SEMA4D: variants seen among roughly 807,000 people sequenced by gnomAD.
SEMA4D encodes the protein semaphorin 4D, also known as semaphorin-4D.
Under a neutral mutation model 74.8 loss-of-function variants are expected in SEMA4D, and 22 were observed. The observed-to-expected ratio is 0.29, with a 90% CI of 0.21 to 0.42. SEMA4D has a LOEUF of 0.42. Ranked by LOEUF, SEMA4D falls within the 10% of genes least tolerant of loss-of-function variation. SEMA4D has a pLI of 1.00. For missense variants in SEMA4D, 937 were observed against 1,118.4 expected, an observed-to-expected ratio of 0.84 and a Z score of 2.31; for synonymous variants, 445 against 463.7, an observed-to-expected ratio of 0.96 and a Z score of 0.52.
chr9:89,494,991 T>C (rs1825897093), intron 1 of SEMA4D, among the ~76,000 whole-genome samples: 1 of 152,186 alleles, frequency 6.6e-6, no homozygotes, highest in African/African-American at 2.4e-5. Flanking sequence ...TTGGATCAAA[T>C]GCTGATCCAA....
chr9:89,414,653 G>A (rs185469696), intron 2 of SEMA4D, among the ~76,000 whole-genome samples: 1 of 152,302 alleles, frequency 6.6e-6, no homozygotes, highest in Admixed American at 6.5e-5. Context: ...TGGGTTTCAG[G>A]AGCTGTCTAG....
At chr9:89,466,185 C>CA (rs1858646216) in intron 1 of SEMA4D, among the ~76,000 whole-genome samples, 1 of 152,154 alleles carries the variant, frequency 6.6e-6, no homozygotes, top group Non-Finnish European at 1.5e-5. Context: ...CTGGGGCACA[C>CA]ACCAAGGGAT....
chr9:89,379,754 A>G, intron 15 of SEMA4D, 125 bp from the exon 16 acceptor site: 2 of 1,148,580 alleles, frequency 1.7e-6, no homozygotes, highest in Non-Finnish European at 2.4e-6. Context: ...ATCTTCCAGA[A>G]CAACTAAGGA....
chr9:89,397,287 CT>C (rs145467045), intron 5 of SEMA4D, among the ~76,000 whole-genome samples: 15,671 of 152,276 alleles, frequency 0.1, 953 homozygotes, highest in Middle Eastern at 0.16. Context: ...TTTACTCTTG[CT>C]AAGTACGTGG....
At chr9:89,406,173 C>A (rs1843283657) in intron 2 of SEMA4D, among the ~76,000 whole-genome samples, 2 of 152,156 alleles carry the variant, frequency 1.3e-5, no homozygotes, top group Non-Finnish European at 2.9e-5. Context: ...CATGTGAGTG[C>A]ACACACATGC....
intron 5 of SEMA4D, among the ~76,000 whole-genome samples, chr9:89,397,937 C>T (rs906360895): frequency 1.3e-5 from 2 of 152,118 alleles, no homozygotes; most frequent in Non-Finnish European, 2.9e-5. Flanking sequence ...CGGCCCAGGG[C>T]TCCCTGAATG....
intron 5 of SEMA4D, 152 bp from the exon 6 acceptor site, chr9:89,396,987 T>A (rs1449120106): frequency 4.4e-6 from 3 of 677,656 alleles, no homozygotes; most frequent in Non-Finnish European, 7.8e-6. Flanking sequence ...ATGTGTGCAT[T>A]CTCAGCCTTG....
chr9:89,389,137 G>T, intron 9 of SEMA4D, 90 bp from the exon 10 acceptor site: 1 of 1,368,948 alleles, frequency 7.3e-7, no homozygotes, highest in Non-Finnish European at 1.0e-6. Context: ...CCATGGCCCA[G>T]CACAGCGCGG....
intron 1 of SEMA4D, among the ~76,000 whole-genome samples, chr9:89,461,065 T>C (rs1334794133): frequency 2.6e-5 from 4 of 152,156 alleles, no homozygotes; most frequent in Non-Finnish European, 2.9e-5. Flanking sequence ...CAAGGTCTCT[T>C]TTCTAAGATC....
At chr9:89,489,774 G>A (rs1032516988) in intron 1 of SEMA4D, among the ~76,000 whole-genome samples, 6 of 152,162 alleles carry the variant, frequency 3.9e-5, no homozygotes, top group African/African-American at 1.4e-4. Context: ...CTGGGTTTCC[G>A]TCCTTTGGCT....
chr9:89,428,262 G>A (rs1389699596), intron 2 of SEMA4D, among the ~76,000 whole-genome samples: 1 of 152,198 alleles, frequency 6.6e-6, no homozygotes, highest in Non-Finnish European at 1.5e-5. Flanking sequence ...AGCTCCAGGC[G>A]GCCCCCGCCA....
intron 2 of SEMA4D, among the ~76,000 whole-genome samples, chr9:89,424,769 G>A (rs1587789738): frequency 2.0e-5 from 3 of 151,360 alleles, no homozygotes; most frequent in East Asian, 1.9e-4. Flanking sequence ...CCTGGCTCCC[G>A]CTACCTGTAA....
intron 2 of SEMA4D, among the ~76,000 whole-genome samples, chr9:89,419,194 G>A (rs967004073): frequency 1.5e-4 from 23 of 152,174 alleles, no homozygotes; most frequent in African/African-American, 5.3e-4. Context: ...AAACGATCAC[G>A]ATTCATCAGG....
chr9:89,399,793 T>C (rs1841769564), intron 4 of SEMA4D, among the ~76,000 whole-genome samples: 1 of 150,906 alleles, frequency 6.6e-6, no homozygotes, highest in Non-Finnish European at 1.5e-5. Flanking sequence ...AGGTCAGGAG[T>C]TCCAGACCAG....
At chr9:89,418,331 G>T in intron 2 of SEMA4D, 2 of 972,914 alleles carry the variant, frequency 2.1e-6, no homozygotes, top group Non-Finnish European at 2.4e-6. Context: ...ACCCACCCAC[G>T]AACAGAGGGG....
chr9:89,432,140 C>G (rs981928091), intron 2 of SEMA4D, among the ~76,000 whole-genome samples: 1 of 146,160 alleles, frequency 6.8e-6, no homozygotes, highest in Non-Finnish European at 1.5e-5. Context: ...CCTGGAATGG[C>G]CACTCAACCC....
intron 18 of SEMA4D, chr9:89,362,526 C>T: frequency 6.2e-7 from 1 of 1,600,822 alleles, no homozygotes; most frequent in Non-Finnish European, 8.6e-7. Flanking sequence ...AGGCAGAGCA[C>T]TCAAGGCCTC....
chr9:89,457,192 G>A (rs1856140143), intron 1 of SEMA4D, among the ~76,000 whole-genome samples: 1 of 152,094 alleles, frequency 6.6e-6, no homozygotes, highest in Non-Finnish European at 1.5e-5. Flanking sequence ...AGCCTGTGAT[G>A]GGGTGGAGCA....
intron 1 of SEMA4D, among the ~76,000 whole-genome samples, chr9:89,493,199 T>A (rs1309937052): frequency 1.3e-5 from 2 of 152,206 alleles, no homozygotes; most frequent in East Asian, 3.8e-4. Flanking sequence ...GCCAGCACTG[T>A]GACCTGCCCA....
Sources: allele counts gnomAD v4.1 joint callset (sites outside exome capture counted in the v4.1 genomes callset), GRCh38; gene constraint gnomAD v4.1.1; transcripts MANE v1.5; gene names NCBI Gene and HGNC (gene_info 2026-07-23, HGNC 2026-07-21).